Variants in HSD17B2 observed in about 807,000 individuals in gnomAD.
The protein encoded by HSD17B2 is hydroxysteroid 17-beta dehydrogenase 2, also known as 17-beta-hydroxysteroid dehydrogenase type 2.
HSD17B2 carries 32 observed loss-of-function variants against 26.9 expected under a neutral mutation model. That is an observed-to-expected ratio of 1.19 (90% CI 0.90 to 1.60). HSD17B2 has a LOEUF of 1.60. Ranked by LOEUF, HSD17B2 falls within the 40% of genes most tolerant of loss-of-function variation. The pLI, the probability that HSD17B2 is intolerant of heterozygous loss-of-function variation, is 0.00. For synonymous variants in HSD17B2, 246 were observed against 186.7 expected, an observed-to-expected ratio of 1.32 and a Z score of -2.59; for missense variants, 613 against 468.6, an observed-to-expected ratio of 1.31 and a Z score of -2.85.
chr16:82,045,943 G>C (rs558743052), intron 1 of HSD17B2, among the ~76,000 whole-genome samples: 1 of 152,322 alleles, frequency 6.6e-6, no homozygotes, highest in African/African-American at 2.4e-5. Flanking sequence ...GAGAGTCTTT[G>C]GGAGGTGCTG....
At chr16:82,052,880 G>T (rs1914150722) in intron 1 of HSD17B2, among the ~76,000 whole-genome samples, 1 of 152,192 alleles carries the variant, frequency 6.6e-6, no homozygotes, top group South Asian at 2.1e-4. Context: ...AAAAACTGAA[G>T]AGCATGGTAC....
At chr16:82,053,175 T>C (rs1796156544) in intron 1 of HSD17B2, among the ~76,000 whole-genome samples, 1 of 152,206 alleles carries the variant, frequency 6.6e-6, no homozygotes, top group Non-Finnish European at 1.5e-5. Flanking sequence ...CTTTTTTTTC[T>C]GGTAGCACAG....
intron 4 of HSD17B2, chr16:82,097,117 C>G (rs1360698666): frequency 1.3e-5 from 2 of 151,710 alleles, no homozygotes; most frequent in South Asian, 2.1e-4. Flanking sequence ...CATCCTCCAA[C>G]TCGTGGGCTC....
intron 4 of HSD17B2, 69 bp from the exon 5 acceptor site, chr16:82,098,006 G>C: frequency 6.6e-7 from 1 of 1,505,696 alleles, no homozygotes; most frequent in Non-Finnish European, 8.9e-7. Context: ...TCCCAACAGA[G>C]ACAAGCGCCT....
rs531449477 is a variant in HSD17B2, at chr16:82,053,280, G to A, written c.266-14890G>A. ...AGTCACCTAGACTGCAGGGGAAAAA[G>A]CCAAACCAAAAGTCTTACAGGTAGA... On this transcript the variant is annotated intron_variant, in intron 1 of 4. Coordinates refer to ENST00000199936, the MANE Select transcript of HSD17B2 (RefSeq NM_002153.3). 1.2e-4 allele frequency among the ~76,000 whole-genome samples: 19 copies of A among 152,212 alleles called. No homozygotes were observed. In the East Asian group the frequency reaches 3.7e-3, roughly 29 times the overall value.
rs577940436 is a variant in HSD17B2 at position 82,044,401 on chromosome 16, G to C, written c.265+8712G>C. 5 of 152,296 alleles carry C rather than the reference G, an allele frequency of 3.3e-5. No homozygotes were observed. The East Asian group carries it at 9.7e-4, about 29-fold the overall frequency. 9.4% of individuals were successfully genotyped at this position (152,296 alleles called of 1,614,324 possible). A position where few individuals can be genotyped will look rare whatever the true frequency, so the allele number is the denominator to read the frequency against. On this transcript the variant is annotated intron_variant, in intron 1 of 4. Transcript: ENST00000199936. ...CGGGTCTTAGGCATGTGGTAATAAC[G>C]GTGCTCAGCCAAGGCAAGGTCGAAA...
chr16:82,052,421 G>A (rs1012252818), intron 1 of HSD17B2: 10 of 152,218 alleles, frequency 6.6e-5, no homozygotes, highest in African/African-American at 2.2e-4. Flanking sequence ...CAGAGCAAGC[G>A]AACTGTCATG....
At chr16:82,039,090 T>A (rs562405279) in intron 1 of HSD17B2, among the ~76,000 whole-genome samples, 41 of 152,240 alleles carry the variant, frequency 2.7e-4, no homozygotes, top group Admixed American at 9.2e-4. Flanking sequence ...GGAGTCAAAG[T>A]GCACCATGGA....
intron 3 of HSD17B2, among the ~76,000 whole-genome samples, chr16:82,080,661 A>G (rs1008752222): frequency 2.0e-5 from 3 of 152,164 alleles, no homozygotes; most frequent in Non-Finnish European, 2.9e-5. Context: ...TTGACTTTAA[A>G]CGAGCTCCAA....
At chr16:82,083,081 C>G (rs1464046807) in intron 3 of HSD17B2, among the ~76,000 whole-genome samples, 1 of 152,136 alleles carries the variant, frequency 6.6e-6, no homozygotes, top group African/African-American at 2.4e-5. Context: ...TCTACTAGCT[C>G]CACTGTTAGA....
At chr16:82,093,127 C>G (rs1275527625) in intron 4 of HSD17B2, 2 of 152,132 alleles carry the variant, frequency 1.3e-5, no homozygotes, top group Non-Finnish European at 2.9e-5. Context: ...CAGGGTTCAA[C>G]AAATTATTAT....
chr16:82,067,027 T>C (rs1597130425), intron 1 of HSD17B2, among the ~76,000 whole-genome samples: 1 of 152,228 alleles, frequency 6.6e-6, no homozygotes, highest in East Asian at 1.9e-4. Flanking sequence ...TGGTGGATTT[T>C]AGTCCTGCAC....
At chr16:82,037,352 G>A (rs1054992718) in intron 1 of HSD17B2, among the ~76,000 whole-genome samples, 2 of 152,166 alleles carry the variant, frequency 1.3e-5, no homozygotes, top group South Asian at 2.1e-4. Context: ...GTATGAAATC[G>A]AGAAATTTAA....
At chr16:82,061,716 C>T (rs1462570933) in intron 1 of HSD17B2, among the ~76,000 whole-genome samples, 1 of 152,124 alleles carries the variant, frequency 6.6e-6, no homozygotes, top group Non-Finnish European at 1.5e-5. Flanking sequence ...AGAACATGAA[C>T]ATTATGAGAG....
At chr16:82,090,309 T>TC in intron 3 of HSD17B2, 1 of 249,578 alleles carries the variant, frequency 4.0e-6, no homozygotes, top group East Asian at 2.6e-4. Context: ...ATTGTTTTTT[T>TC]TTTTTTTTTT....
chr16:82,062,865 T>A (rs1408665313), intron 1 of HSD17B2, among the ~76,000 whole-genome samples: 1 of 152,202 alleles, frequency 6.6e-6, no homozygotes, highest in African/African-American at 2.4e-5. Context: ...CAAGGAGTGA[T>A]TCCTTAGCCA....
At chr16:82,051,194 G>A (rs892689576) in intron 1 of HSD17B2, among the ~76,000 whole-genome samples, 1 of 152,092 alleles carries the variant, frequency 6.6e-6, no homozygotes, top group Non-Finnish European at 1.5e-5. Flanking sequence ...AGACTATCTT[G>A]ACTATTTCAT....
intron 3 of HSD17B2, among the ~76,000 whole-genome samples, chr16:82,078,619 G>A (rs535600545): frequency 2.0e-5 from 3 of 152,174 alleles, no homozygotes; most frequent in Non-Finnish European, 4.4e-5. Context: ...AGTAACCTAA[G>A]TGTCCATCAA....
intron 1 of HSD17B2, among the ~76,000 whole-genome samples, chr16:82,058,092 G>A (rs549967084): frequency 1.8e-3 from 258 of 145,746 alleles, no homozygotes; most frequent in African/African-American, 6.3e-3. Context: ...TTTTTTTTGA[G>A]ATAGGGTTTT....
Sources: allele counts gnomAD v4.1 joint callset (sites outside exome capture counted in the v4.1 genomes callset), GRCh38; gene constraint gnomAD v4.1.1; transcripts MANE v1.5; gene names NCBI Gene and HGNC (gene_info 2026-07-23, HGNC 2026-07-21).